The following DOCK1 variants were observed in gnomAD, a reference collection of about 807,000 sequenced individuals.
DOCK1 encodes the protein dedicator of cytokinesis protein 1.
In DOCK1, 138 loss-of-function variants were observed where a neutral mutation model predicts 262.7. That is an observed-to-expected ratio of 0.53 (90% confidence interval 0.46 to 0.61). The LOEUF (loss-of-function observed/expected upper bound fraction) is 0.61. Ranked by LOEUF, DOCK1 falls within the 20% of genes least tolerant of loss-of-function variation. The probability of loss-of-function intolerance (pLI) is 0.00; values close to 1 mark genes in which losing one functional copy is unlikely to be tolerated. For missense variants in DOCK1, 1,908 were observed against 2,370.7 expected (o/e 0.80, Z 4.05); for synonymous variants, 866 against 867.4 (o/e 1.00, Z 0.03).
intron 29 of DOCK1, among the ~76,000 whole-genome samples, chr10:127,287,432 C>T (rs1424958004): frequency 1.3e-5 from 2 of 151,718 alleles, no homozygotes; most frequent in African/African-American, 4.9e-5. Flanking sequence ...TCAAGCGATC[C>T]TCCCACCTCA....
intron 1 of DOCK1, among the ~76,000 whole-genome samples, chr10:126,918,909 G>GGCACGGAGGATTTGGACAGGTGA (rs1373801190): frequency 4.8e-5 from 7 of 145,676 alleles, no homozygotes; most frequent in East Asian, 2.1e-4. Context: ...CGGACAGGTG[G>GGCACGGAGGATTTGGACAGGTGA]GCACGGAGGA....
At chr10:127,048,232 T>C (rs2044474126) in intron 21 of DOCK1, among the ~76,000 whole-genome samples, 2 of 152,210 alleles carry the variant, frequency 1.3e-5, no homozygotes, top group South Asian at 4.1e-4. Flanking sequence ...TCTTGGTGAT[T>C]TTAATTTGCA....
At chr10:127,408,650 G>A (rs1342706189) in intron 40 of DOCK1, among the ~76,000 whole-genome samples, 3 of 152,198 alleles carry the variant, frequency 2.0e-5, no homozygotes, top group East Asian at 1.9e-4. Context: ...AAGAAAAAGT[G>A]TGGACATCAT....
chr10:127,266,863 A>G (rs1287644131), intron 29 of DOCK1, among the ~76,000 whole-genome samples: 1 of 152,200 alleles, frequency 6.6e-6, no homozygotes, highest in Admixed American at 6.5e-5. Flanking sequence ...GAGACATTTC[A>G]CAGCCCAGAG....
intron 10 of DOCK1, chr10:127,007,334 G>T (rs1336999369): frequency 1.3e-5 from 2 of 152,200 alleles, no homozygotes; most frequent in African/African-American, 4.8e-5. Flanking sequence ...GGTGGTGATG[G>T]TGATGGTAGA....
intron 29 of DOCK1, among the ~76,000 whole-genome samples, chr10:127,284,248 T>G (rs558524830): frequency 6.6e-6 from 1 of 152,304 alleles, no homozygotes; most frequent in South Asian, 2.1e-4. Flanking sequence ...TCTGTGGTGG[T>G]GTTTGCCCAT....
chr10:127,289,051 T>C (rs1239309807), intron 29 of DOCK1, among the ~76,000 whole-genome samples: 2 of 151,992 alleles, frequency 1.3e-5, no homozygotes, highest in African/African-American at 2.4e-5. Flanking sequence ...GTTTTCATAG[T>C]ATTTTCACTT....
chr10:127,261,540 T>TGTGC (rs1217598890), intron 29 of DOCK1, among the ~76,000 whole-genome samples: 6 of 134,478 alleles, frequency 4.5e-5, no homozygotes, highest in Non-Finnish European at 3.1e-5. Flanking sequence ...TGCATGTGGG[T>TGTGC]GTGTGTGTAC....
chr10:127,409,923 T>C (rs990146677), intron 42 of DOCK1, among the ~76,000 whole-genome samples: 2 of 152,184 alleles, frequency 1.3e-5, no homozygotes, highest in African/African-American at 4.8e-5. Flanking sequence ...GAGTCAACTG[T>C]CCATATTTGA....
intron 27 of DOCK1, among the ~76,000 whole-genome samples, chr10:127,223,535 C>A (rs1356466002): frequency 6.6e-6 from 1 of 152,104 alleles, no homozygotes; most frequent in Non-Finnish European, 1.5e-5. Flanking sequence ...CTTATTGGAG[C>A]ATTTTGGATT....
Position 127,023,356 on chromosome 10 carries a change from G to A in DOCK1, c.1452+32G>A, listed in dbSNP as rs75081826. 6,399 of 1,610,924 alleles carry A rather than the reference G, an allele frequency of 4.0e-3. 220 individuals carry two copies. The African/African-American group carries it at 0.076, about 19-fold the overall frequency. ...ATTGTGGCGAGGGCTCATCTGTAGT[G>A]TTTCAGTTTTACTTGCCAAGTGCTC... On this transcript the variant is annotated intron_variant, in intron 14 of 51. Transcript: ENST00000623213.
chr10:127,247,405 C>G (rs1365665757), intron 27 of DOCK1, among the ~76,000 whole-genome samples: 1 of 152,072 alleles, frequency 6.6e-6, no homozygotes, highest in Non-Finnish European at 1.5e-5. Flanking sequence ...GTGATTGCCT[C>G]CACATCGGGC....
At chr10:127,259,312 C>T (rs1366367360) in intron 29 of DOCK1, among the ~76,000 whole-genome samples, 1 of 152,204 alleles carries the variant, frequency 6.6e-6, no homozygotes, top group Non-Finnish European at 1.5e-5. Flanking sequence ...TAATAGAAAG[C>T]ACTGGTCTTT....
chr10:127,052,768 A>G lies in DOCK1; in HGVS notation c.2289A>G (p.Leu763=), dbSNP rs771335474. ...NEQLYKAMKA[L]ESIFKFIVRS... is the part of the protein sequence containing the mutation. ...AGCTGTACAAAGCCATGAAAGCGCT[A>G]GAATCCATCTTCAAGTTCATCGTGC... The change falls in exon 22 of 52, where the codon CTA becomes CTG. Residue 763 remains leucine (L), a synonymous_variant. Coordinates refer to ENST00000623213, the MANE Select transcript of DOCK1 (RefSeq NM_001290223.2). 3.7e-6 allele frequency: 6 copies of G among 1,613,854 alleles called. No individual in the cohort carries two copies. The East Asian group carries it at 8.9e-5, about 24-fold the overall frequency.
intron 27 of DOCK1, among the ~76,000 whole-genome samples, chr10:127,141,767 C>T (rs2051281757): frequency 1.3e-5 from 2 of 152,174 alleles, no homozygotes; most frequent in South Asian, 4.1e-4. Flanking sequence ...TGTGTCCTCC[C>T]CTGTGTCCTC....
intron 49 of DOCK1, 108 bp from the exon 50 acceptor site, chr10:127,444,018 C>T: frequency 7.1e-7 from 1 of 1,401,850 alleles, no homozygotes; most frequent in South Asian, 1.3e-5. Flanking sequence ...CAGTTAAGGT[C>T]ATATTCTAAG....
intron 51 of DOCK1, 85 bp from the exon 52 acceptor site, chr10:127,451,247 G>A (rs3740546): frequency 0.34 from 494,505 of 1,445,390 alleles, 87,861 homozygotes; most frequent in East Asian, 0.59. Context: ...GAGTGGCTGT[G>A]CCAGGTCAGA....
At chr10:127,387,075 C>T (rs1357701768) in intron 38 of DOCK1, among the ~76,000 whole-genome samples, 1 of 152,152 alleles carries the variant, frequency 6.6e-6, no homozygotes, top group Admixed American at 6.5e-5. Flanking sequence ...CTGGGGTGGC[C>T]GGGAGGCCCG....
Position 127,447,432 on chromosome 10 carries a change from G to A in DOCK1, c.5452G>A (p.Asp1818Asn), listed in dbSNP as rs757219377. ...LNGMTGADVA[D>N]VPPPLPLKGS... ...CGGCATGACGGGGGCGGACGTGGCCGATGTCCCACCCCCTCTGCCTCTCAA... is the reference window on the plus strand; with the variant it reads ...CGGCATGACGGGGGCGGACGTGGCCAATGTCCCACCCCCTCTGCCTCTCAA... The change falls in exon 51 of 52, where the codon GAT becomes AAT. Residue 1818 changes from aspartate (D) to asparagine (N), a missense_variant. Physicochemically the swap from Asp to Asn is conservative, Grantham distance 23. Around this residue, in one of 9 missense-constraint regions of DOCK1, gnomAD observed 383 missense variants for 420.1 expected, o/e 0.91. Coordinates refer to ENST00000623213, the MANE Select transcript of DOCK1 (RefSeq NM_001290223.2). The A allele has an allele frequency of 1.7e-5, 27 of 1,613,052 alleles. No homozygotes were observed. Among genetic ancestry groups the A allele is most frequent in the East Asian group, 6.7e-5 (3 of 44,860 alleles).
Sources: gnomAD v4.1 joint callset for allele counts (sites outside exome capture counted in the v4.1 genomes callset) on GRCh38, gnomAD v4.1.1 for gene constraint, gnomAD v4.1.1 regional missense constraint, MANE v1.5 for transcripts, NCBI Gene and HGNC (gene_info 2026-07-23, HGNC 2026-07-21) for gene names.